Variants in MDGA2 observed in about 807,000 individuals in gnomAD.
The protein encoded by MDGA2 is MAM domain-containing glycosylphosphatidylinositol anchor protein 2.
Under a neutral mutation model 117.8 loss-of-function variants are expected in MDGA2, and 40 were observed. The ratio of observed to expected loss-of-function variants is 0.34; its 90% CI spans 0.26 to 0.44. The LOEUF (loss-of-function observed/expected upper bound fraction) is 0.44, where lower values mean the gene tolerates loss of function less well. Among genes scored for constraint, MDGA2 ranks in the 20% least tolerant of loss-of-function variants. The pLI is 1.00. For missense variants in MDGA2, 1,123 were observed against 1,250.6 expected (o/e 0.90, Z 1.54); for synonymous variants, 452 against 439.0 (o/e 1.03, Z -0.37).
chr14:47,126,718 TC>T (rs1292110039), intron 5 of MDGA2, among the ~76,000 whole-genome samples: 1 of 152,100 alleles, frequency 6.6e-6, no homozygotes, highest in Non-Finnish European at 1.5e-5. Context: ...ATTATTATCA[TC>T]CAAAGTAATT....
intron 5 of MDGA2, among the ~76,000 whole-genome samples, chr14:47,121,110 A>C (rs117582019): frequency 0.026 from 3,917 of 152,222 alleles, 79 homozygotes; most frequent in Non-Finnish European, 0.039. Context: ...AACTGAGCCA[A>C]AGGAGAGCTG....
At chr14:47,336,942 T>C (rs916669628) in intron 1 of MDGA2, among the ~76,000 whole-genome samples, 2 of 152,046 alleles carry the variant, frequency 1.3e-5, no homozygotes, top group Non-Finnish European at 2.9e-5. Context: ...ATCTGTTGAA[T>C]GAATGACTAC....
rs748948616 is a variant in MDGA2, at chr14:46,845,789, G to C, written c.2966C>G (p.Ala989Gly). ...DDVSIAEGEC[A>G]KQDLATKNSV... is the part of the protein sequence containing the mutation. ...ACTCTTAGTTGCTAGGTCTTGTTTT[G>C]CACATTCTCCTTCTGCAATTGATAC... The change falls in exon 16 of 17, where the codon GCA becomes GGA. Residue 989 changes from alanine to glycine, a missense_variant. Transcript: ENST00000399232. The C allele has an allele frequency of 1.2e-6, 2 of 1,612,428 alleles. No individual in the cohort carries two copies. Among genetic ancestry groups the C allele is most frequent in the East Asian group, 2.2e-5 (1 of 44,706 alleles).
intron 1 of MDGA2, among the ~76,000 whole-genome samples, chr14:47,356,773 T>A (rs2138360249): frequency 6.6e-6 from 1 of 152,310 alleles, no homozygotes; most frequent in Non-Finnish European, 1.5e-5. Flanking sequence ...GAGGCAAGTC[T>A]GATGTCTACC....
chr14:47,557,044 T>C (rs955889663), intron 1 of MDGA2, among the ~76,000 whole-genome samples: 3 of 152,202 alleles, frequency 2.0e-5, no homozygotes, highest in Non-Finnish European at 2.9e-5. Flanking sequence ...CACAATGGCA[T>C]AGCTTCTTTG....
At chr14:47,566,514 C>A (rs868055898) in intron 1 of MDGA2, among the ~76,000 whole-genome samples, 1 of 152,322 alleles carries the variant, frequency 6.6e-6, no homozygotes, top group African/African-American at 2.4e-5. Context: ...CATGTTCCCA[C>A]ATTAAACCCT....
intron 5 of MDGA2, among the ~76,000 whole-genome samples, chr14:47,107,270 C>G (rs1203048516): frequency 6.6e-6 from 1 of 152,004 alleles, no homozygotes; most frequent in Non-Finnish European, 1.5e-5. Flanking sequence ...CCTTACAGTT[C>G]CCCCATTTTA....
chr14:47,371,386 A>G (rs1891355640), intron 1 of MDGA2, among the ~76,000 whole-genome samples: 1 of 151,818 alleles, frequency 6.6e-6, no homozygotes, highest in Admixed American at 6.6e-5. Flanking sequence ...AATCTCTTTT[A>G]GTCATCTAAA....
chr14:47,199,279 C>G (rs1885403779), intron 3 of MDGA2, among the ~76,000 whole-genome samples: 1 of 152,052 alleles, frequency 6.6e-6, no homozygotes, highest in Non-Finnish European at 1.5e-5. Flanking sequence ...ACACATAAAA[C>G]TTGATGTCTA....
At chr14:47,433,765 A>G (rs1414748634) in intron 1 of MDGA2, among the ~76,000 whole-genome samples, 3 of 152,158 alleles carry the variant, frequency 2.0e-5, no homozygotes, top group Non-Finnish European at 1.5e-5. Context: ...TTTGTAATTC[A>G]AAGCAGACAA....
At chr14:47,436,885 C>A (rs1411889646) in intron 1 of MDGA2, among the ~76,000 whole-genome samples, 2 of 151,996 alleles carry the variant, frequency 1.3e-5, no homozygotes, top group Non-Finnish European at 2.9e-5. Context: ...CTGTACCTTG[C>A]AGAAAAAAGA....
chr14:47,383,805 G>A (rs935937369), intron 1 of MDGA2, among the ~76,000 whole-genome samples: 5 of 152,036 alleles, frequency 3.3e-5, no homozygotes, highest in African/African-American at 9.7e-5. Context: ...TATTACTGGC[G>A]TGAACCACCA....
chr14:47,377,240 T>A lies in MDGA2; in HGVS notation c.281-75690A>T, dbSNP rs151261763. ...AAAGCTGAAGAAAAATATACTGGAT[T>A]ACAGTCATTCCAAGATGGCCAAATA... On this transcript the variant is annotated intron_variant, in intron 1 of 16. Coordinates refer to ENST00000399232, the MANE Select transcript of MDGA2 (RefSeq NM_001113498.3). 1.2e-4 allele frequency among the ~76,000 whole-genome samples: 19 copies of A among 152,224 alleles called. No homozygotes were observed. The East Asian group carries it at 2.1e-3, about 17-fold the overall frequency.
intron 2 of MDGA2, among the ~76,000 whole-genome samples, chr14:47,280,013 T>A (rs74366453): frequency 1.3e-5 from 2 of 151,760 alleles, no homozygotes; most frequent in Admixed American, 6.6e-5. Context: ...TTTTTTTTTT[T>A]AATAGATATT....
chr14:47,580,320 C>G (rs1896206449), intron 1 of MDGA2, among the ~76,000 whole-genome samples: 1 of 151,988 alleles, frequency 6.6e-6, no homozygotes, highest in Admixed American at 6.6e-5. Flanking sequence ...GGTGAAGGAG[C>G]AAAGAAGCTC....
In MDGA2 at chr14:46,892,333, A is replaced by G. The variant is rs972640908; in HGVS notation, c.2239-10112T>C. ...ATGCAAAAGAATGAAACTGGCTCGTATCTTACACCATACACAGATTAACTC... is the reference window on the plus strand; with the variant it reads ...ATGCAAAAGAATGAAACTGGCTCGTGTCTTACACCATACACAGATTAACTC... On this transcript the variant is annotated intron_variant, in intron 10 of 16. Transcript: ENST00000399232. Among the ~76,000 whole-genome samples, 4 of 151,976 alleles carry G rather than the reference A, an allele frequency of 2.6e-5. No individual in the cohort carries two copies. In the East Asian group the frequency reaches 7.7e-4, roughly 29 times the overall value.
chr14:47,405,411 G>A (rs892025893), intron 1 of MDGA2, among the ~76,000 whole-genome samples: 7 of 151,984 alleles, frequency 4.6e-5, no homozygotes, highest in Non-Finnish European at 7.4e-5. Context: ...ATGGTTACAT[G>A]GTGCTTTTTA....
At chr14:47,451,795 A>G (rs560530856) in intron 1 of MDGA2, among the ~76,000 whole-genome samples, 8 of 152,136 alleles carry the variant, frequency 5.3e-5, no homozygotes, top group Non-Finnish European at 1.0e-4. Flanking sequence ...ATATGTTACA[A>G]TAAAACGTTT....
chr14:46,894,857 G>T (rs560360689), intron 10 of MDGA2, among the ~76,000 whole-genome samples: 90 of 152,218 alleles, frequency 5.9e-4, no homozygotes, highest in African/African-American at 2.1e-3. Flanking sequence ...AGAAAAACTT[G>T]CTTCCTATCA....
Sources: allele counts gnomAD v4.1 joint callset (sites outside exome capture counted in the v4.1 genomes callset), GRCh38; gene constraint gnomAD v4.1.1; transcripts MANE v1.5; gene names NCBI Gene and HGNC (gene_info 2026-07-23, HGNC 2026-07-21).